The following TRPM3 variants were observed in gnomAD, a reference collection of about 807,000 sequenced individuals.
The protein encoded by TRPM3 is long transient receptor potential channel 3.
TRPM3 carries 77 observed loss-of-function variants against 181.2 expected under a neutral mutation model. The observed-to-expected ratio is 0.42, with a 90% CI of 0.35 to 0.51. The LOEUF (loss-of-function observed/expected upper bound fraction) is 0.51, where lower values mean the gene tolerates loss of function less well. Ranked by LOEUF, TRPM3 falls within the 20% of genes least tolerant of loss-of-function variation. The pLI is 0.01. For missense variants in TRPM3, 1,759 were observed against 2,196.7 expected (o/e 0.80, Z 3.98); for synonymous variants, 745 against 796.4 (o/e 0.94, Z 1.09).
chr9:71,143,385 C>T lies in TRPM3; in HGVS notation c.184-278874G>A, dbSNP rs992573242. 4.6e-5 allele frequency among the ~76,000 whole-genome samples: 7 copies of T among 152,150 alleles called. No individual in the cohort carries two copies. The South Asian group carries it at 8.3e-4, about 18-fold the overall frequency. On this transcript the variant is annotated intron_variant, in intron 1 of 24. Coordinates refer to the TRPM3 transcript ENST00000357533. The stretch of plus-strand genomic sequence containing the variant: ...CCCCAGTGGGTGTTGTTCCTCTCTA[C>T]GTGTCCATGTGTTTTCATCATTTAG...
chr9:70,610,462 C>G, intron 19 of TRPM3, 147 bp downstream of exon 19: 1 of 951,454 alleles, frequency 1.1e-6, no homozygotes, highest in Non-Finnish European at 1.6e-6. Context: ...ACAAATCTTG[C>G]AGAGCTATTG....
chr9:71,199,654 T>C (rs908970034), intron 1 of TRPM3, among the ~76,000 whole-genome samples: 1 of 152,240 alleles, frequency 6.6e-6, no homozygotes, highest in African/African-American at 2.4e-5. Context: ...TTCTAGTTTA[T>C]TTGCGTAGAG....
At chr9:70,699,694 C>G (rs1391200343) in intron 8 of TRPM3, among the ~76,000 whole-genome samples, 1 of 152,154 alleles carries the variant, frequency 6.6e-6, no homozygotes, top group Non-Finnish European at 1.5e-5. Context: ...CCTCTCTAGG[C>G]TTTCTTGCTA....
chr9:71,110,224 G>A lies in TRPM3; in HGVS notation c.177+10954C>T, dbSNP rs1009238954. ...AAGTAAATTCAAGAATGTTAAAGGT[G>A]GAAAGAACCTTAAGGATCATCTCAT... On this transcript the variant is annotated intron_variant, in intron 1 of 25. Coordinates refer to ENST00000677713, the MANE Select transcript of TRPM3 (RefSeq NM_001366145.2). Among the ~76,000 whole-genome samples, 4 of 152,070 alleles carry A rather than the reference G, an allele frequency of 2.6e-5. 1 individual carries two copies. Among genetic ancestry groups the A allele is most frequent in the Admixed American group, 2.6e-4 (4 of 15,246 alleles).
intron 1 of TRPM3, among the ~76,000 whole-genome samples, chr9:71,110,754 A>G (rs2070890621): frequency 6.6e-6 from 1 of 152,192 alleles, no homozygotes; most frequent in African/African-American, 2.4e-5. Context: ...CTGAAATTCC[A>G]TTTTTTGTCC....
chr9:70,595,704 C>T (rs781544421), intron 21 of TRPM3, among the ~76,000 whole-genome samples: 1 of 152,164 alleles, frequency 6.6e-6, no homozygotes, highest in Admixed American at 6.5e-5. Flanking sequence ...ACAGATCCTA[C>T]CTCCTGAGCC....
intron 1 of TRPM3, among the ~76,000 whole-genome samples, chr9:71,098,436 T>C (rs2134010975): frequency 6.6e-6 from 1 of 152,276 alleles, no homozygotes; most frequent in Admixed American, 6.5e-5. Context: ...CCTACTGGTG[T>C]TTTCCGGTTT....
Position 70,892,607 on chromosome 9 carries a change from C to T in TRPM3, c.178-28096G>A, listed in dbSNP as rs2096224014. On this transcript the variant is annotated intron_variant, in intron 1 of 25. Transcript: ENST00000677713. ...TCAAGTTTCAAATTTACCCGTTTGA[C>T]CTCAAAAAAAAAAAAAAAAACTAGC... 5.1e-5 allele frequency among the ~76,000 whole-genome samples: 6 copies of T among 117,868 alleles called. No individual in the cohort carries two copies. In the South Asian group the frequency reaches 1.6e-3, roughly 32 times the overall value. The allele number at this position is 117,868 out of a possible 152,430, so 77.3% of individuals were successfully genotyped here.
At chr9:71,269,882 A>G (rs918908183) in intron 1 of TRPM3, among the ~76,000 whole-genome samples, 2 of 152,184 alleles carry the variant, frequency 1.3e-5, no homozygotes, top group African/African-American at 2.4e-5. Context: ...TCCCTGGATC[A>G]CTTTTATTCT....
intron 25 of TRPM3, among the ~76,000 whole-genome samples, chr9:70,542,470 G>A (rs952334314): frequency 6.6e-6 from 1 of 152,192 alleles, no homozygotes; most frequent in Non-Finnish European, 1.5e-5. Context: ...GTGTTGGAAA[G>A]CTGTTGGGTG....
intron 1 of TRPM3, among the ~76,000 whole-genome samples, chr9:71,084,495 C>A (rs2064943415): frequency 1.3e-5 from 2 of 151,758 alleles, no homozygotes; most frequent in South Asian, 2.1e-4. Context: ...AAGCTGAGAG[C>A]CAAATCAAGA....
At chr9:70,892,969 CTACTT>C (rs1184331401) in intron 1 of TRPM3, among the ~76,000 whole-genome samples, 2 of 152,178 alleles carry the variant, frequency 1.3e-5, no homozygotes, top group Non-Finnish European at 2.9e-5. Flanking sequence ...ACCATCTACT[CTACTT>C]TACAAGGTTG....
intron 1 of TRPM3, among the ~76,000 whole-genome samples, chr9:71,179,501 G>A (rs528675899): frequency 6.6e-6 from 1 of 152,186 alleles, no homozygotes; most frequent in South Asian, 2.1e-4. Flanking sequence ...TGCATACTAT[G>A]TAAAATAAAA....
At chr9:70,975,373 A>G (rs1052651593) in intron 1 of TRPM3, among the ~76,000 whole-genome samples, 7 of 152,228 alleles carry the variant, frequency 4.6e-5, no homozygotes, top group African/African-American at 1.2e-4. Context: ...GTGGAAAATC[A>G]TTTTGACCAT....
At chr9:70,608,020 AAGAC>A (rs1302107556) in intron 19 of TRPM3, among the ~76,000 whole-genome samples, 3 of 152,240 alleles carry the variant, frequency 2.0e-5, no homozygotes, top group Non-Finnish European at 2.9e-5. Context: ...AAGGTGTAAC[AAGAC>A]CAATCACCGA....
At chr9:70,620,010 T>C (rs559702985) in intron 16 of TRPM3, 66 bp downstream of exon 16, 2 of 1,517,636 alleles carry the variant, frequency 1.3e-6, no homozygotes, top group African/African-American at 1.4e-5. Context: ...GCTCAGACTC[T>C]CCAGCACTGG....
intron 1 of TRPM3, among the ~76,000 whole-genome samples, chr9:71,364,865 T>G (rs1452086694): frequency 6.6e-6 from 1 of 152,346 alleles, no homozygotes; most frequent in East Asian, 1.9e-4. Context: ...CTTTTTCTTT[T>G]TAACTGAATC....
chr9:70,547,281 G>C lies in TRPM3; in HGVS notation c.3707+2261C>G, dbSNP rs147047726. Among the ~76,000 whole-genome samples the C allele has an allele frequency of 3.6e-3, 552 of 152,088 alleles. 4 individuals carry two copies. The highest frequency in any genetic ancestry group is 0.012 in the African/African-American group (513 of 41,498). On this transcript the variant is annotated intron_variant, in intron 25 of 25. Coordinates refer to ENST00000677713, the MANE Select transcript of TRPM3 (RefSeq NM_001366145.2). ...TAACCATATATACCTTTCCAAATGT[G>C]TGTATATACATACATATACATATGT...
chr9:70,551,022 A>G (rs1050102226), intron 24 of TRPM3, among the ~76,000 whole-genome samples: 1 of 152,214 alleles, frequency 6.6e-6, no homozygotes, highest in Non-Finnish European at 1.5e-5. Context: ...TGCTATTGCT[A>G]TATTTGAGAC....
Sources: allele counts gnomAD v4.1 joint callset (sites outside exome capture counted in the v4.1 genomes callset), GRCh38; gene constraint gnomAD v4.1.1; transcripts MANE v1.5; gene names NCBI Gene and HGNC (gene_info 2026-07-23, HGNC 2026-07-21).